ATPSCKMT: variants seen among roughly 807,000 people sequenced by gnomAD.
ATPSCKMT encodes ATP synthase c subunit lysine N-methyltransferase, also known as ATP synthase subunit C lysine N-methyltransferase.
In ATPSCKMT, 24 loss-of-function variants were observed where a neutral mutation model predicts 24.3. That is an observed-to-expected ratio of 0.99 (90% CI 0.71 to 1.39). The LOEUF is 1.39. Ranked by LOEUF, ATPSCKMT falls within the 40% of genes most tolerant of loss-of-function variation. The pLI is 0.00. For synonymous variants in ATPSCKMT, 95 were observed against 110.5 expected (o/e 0.86, Z 0.88); for missense variants, 311 against 298.4 (o/e 1.04, Z -0.31).
intron 4 of ATPSCKMT, among the ~76,000 whole-genome samples, chr5:10,228,159 T>C (rs1743967304): frequency 6.6e-6 from 1 of 152,180 alleles, no homozygotes; most frequent in African/African-American, 2.4e-5. Context: ...TTTTGCACAT[T>C]TTTAACATCT....
rs762216634 is a variant in ATPSCKMT at position 10,227,471 on chromosome 5, C to T, written c.672G>A (p.Ser224=). 21 of 1,614,034 alleles carry T rather than the reference C, an allele frequency of 1.3e-5. No homozygotes were observed. In the Admixed American group the frequency reaches 2.0e-4, roughly 15 times the overall value. Residue 224 remains serine (S), a synonymous_variant, in exon 5 of 5, where the codon TCG becomes TCA. Transcript: ENST00000511437. ...FRGREKRPCT[S]MHFQLPIQA ...CTTGAATGGGCAGCTGGAAATGCAT[C>T]GATGTACAGGGCCTCTTTTCACGGC...
chr5:10,249,727 CT>C, intron 1 of ATPSCKMT, 130 bp downstream of exon 1: 1 of 1,385,458 alleles, frequency 7.2e-7, no homozygotes, highest in Non-Finnish European at 9.6e-7. Context: ...GAAGGCCAGG[CT>C]GGAGGCCAGA....
At chr5:10,239,480 A>G in intron 1 of ATPSCKMT, 124 bp from the exon 2 acceptor site, 2 of 814,022 alleles carry the variant, frequency 2.5e-6, no homozygotes, top group Non-Finnish European at 1.9e-6. Context: ...TTAGCTGAAT[A>G]CAAGCTAAAT....
intron 3 of ATPSCKMT, 92 bp from the exon 4 acceptor site, chr5:10,235,353 A>T: frequency 8.9e-7 from 1 of 1,128,242 alleles, no homozygotes; most frequent in Non-Finnish European, 1.3e-6. Context: ...GCAGTTTTCC[A>T]TTTTACCAAA....
chr5:10,245,467 C>A (rs1306034570), intron 1 of ATPSCKMT, among the ~76,000 whole-genome samples: 1 of 151,204 alleles, frequency 6.6e-6, no homozygotes, highest in Non-Finnish European at 1.5e-5. Context: ...CAAAATTGGC[C>A]AGCCACAGTG....
intron 1 of ATPSCKMT, among the ~76,000 whole-genome samples, chr5:10,244,147 A>C (rs2578626): frequency 0.26 from 40,223 of 152,126 alleles, 6,718 homozygotes; most frequent in East Asian, 0.72. Flanking sequence ...GCAGTAGGAA[A>C]ACACACATTT....
At chr5:10,236,656 A>C in intron 2 of ATPSCKMT, 41 bp from the exon 3 acceptor site, 1 of 1,602,456 alleles carries the variant, frequency 6.2e-7, no homozygotes, top group African/African-American at 1.3e-5. Flanking sequence ...AAGAAGAAAA[A>C]ATGAACATAC....
intron 3 of ATPSCKMT, 36 bp from the exon 4 acceptor site, chr5:10,235,297 G>T: frequency 6.3e-7 from 1 of 1,578,130 alleles, no homozygotes; most frequent in Non-Finnish European, 8.7e-7. Flanking sequence ...TAGATTAAGT[G>T]CAAAAAGCCA....
Position 10,227,264 on chromosome 5 carries a change from G to T in ATPSCKMT, c.*177C>A. 4.5e-6 allele frequency: 3 copies of T among 662,932 alleles called. No homozygotes were observed. Among genetic ancestry groups the T allele is most frequent in the Non-Finnish European group, 7.5e-6 (3 of 399,720 alleles). The allele number at this position is 662,932 out of a possible 1,614,324, so 41.1% of individuals were successfully genotyped here. ...AATTTTTAAGAAAATAGCATCAAAA[G>T]CAGATTTTAAATCTACCTGTTTTTC... On this transcript the variant is annotated 3_prime_UTR_variant, in exon 5 of 5. Transcript: ENST00000511437.
At chr5:10,247,891 C>A (rs902728635) in intron 1 of ATPSCKMT, among the ~76,000 whole-genome samples, 21 of 152,140 alleles carry the variant, frequency 1.4e-4, no homozygotes, top group African/African-American at 5.1e-4. Flanking sequence ...TCTACTGTGT[C>A]CGGGCCCTGC....
intron 4 of ATPSCKMT, among the ~76,000 whole-genome samples, chr5:10,230,024 TAGAA>T (rs940915254): frequency 6.6e-6 from 1 of 152,220 alleles, no homozygotes; most frequent in Non-Finnish European, 1.5e-5. Flanking sequence ...AAGTGATATT[TAGAA>T]AACAAGATCT....
Position 10,227,650 on chromosome 5 carries a change from G to A in ATPSCKMT, c.496-3C>T. On this transcript the variant is annotated splice_region_variant and splice_polypyrimidine_tract_variant and intron_variant, in intron 4 of 4. Coordinates refer to ENST00000511437, the MANE Select transcript of ATPSCKMT (RefSeq NM_199133.4). Reference sequence around the variant, plus strand: ...AGTTTCTTCTCCAACTGCAGCATCTGTGGAGAGTAACAGCTATTATTTTAG... The same window carrying A: ...AGTTTCTTCTCCAACTGCAGCATCTATGGAGAGTAACAGCTATTATTTTAG... The A allele has an allele frequency of 1.9e-6, 3 of 1,613,788 alleles. No individual in the cohort carries two copies. The highest frequency in any genetic ancestry group is 2.5e-6 in the Non-Finnish European group (3 of 1,179,706).
At position 10,247,075 on chromosome 5, in the gene ATPSCKMT, A is replaced by G. The variant is rs1326424935; in HGVS notation, c.16+2783T>C. Among the ~76,000 whole-genome samples, 13 of 152,206 alleles carry G rather than the reference A, an allele frequency of 8.5e-5. 1 individual carries two copies. The highest frequency in any genetic ancestry group is 8.5e-4 in the Admixed American group (13 of 15,284). ...CCAGGCTGAATGTGTATTTTATTCT[A>G]TGTGCACTGTGATGAAACTTTTTGA... On this transcript the variant is annotated intron_variant, in intron 1 of 4. Coordinates refer to ENST00000511437, the MANE Select transcript of ATPSCKMT (RefSeq NM_199133.4).
At chr5:10,249,828 C>A in intron 1 of ATPSCKMT, 30 bp downstream of exon 1, 1 of 1,562,990 alleles carries the variant, frequency 6.4e-7, no homozygotes, top group South Asian at 1.2e-5. Flanking sequence ...CTCATGCCCC[C>A]AGGAACCCGC....
intron 1 of ATPSCKMT, chr5:10,249,582 A>G (rs1579439924): frequency 1.2e-5 from 5 of 431,666 alleles, no homozygotes; most frequent in African/African-American, 4.1e-5. Flanking sequence ...CACTATCCCT[A>G]TTCCTTAAGA....
intron 1 of ATPSCKMT, among the ~76,000 whole-genome samples, chr5:10,241,495 G>A (rs192265579): frequency 3.9e-5 from 6 of 152,290 alleles, no homozygotes; most frequent in East Asian, 1.9e-4. Context: ...CCCACTCAGC[G>A]CAGCTTTGTT....
intron 2 of ATPSCKMT, among the ~76,000 whole-genome samples, chr5:10,237,644 G>C (rs907476914): frequency 6.6e-6 from 1 of 152,154 alleles, no homozygotes; most frequent in African/African-American, 2.4e-5. Context: ...CCATGATTGT[G>C]AGGCCTCCCC....
Position 10,226,471 on chromosome 5 carries a change from C to A in ATPSCKMT, c.*970G>T, listed in dbSNP as rs1743883827. 1.3e-5 allele frequency: 2 copies of A among 152,192 alleles called. No individual in the cohort carries two copies. Among genetic ancestry groups the A allele is most frequent in the South Asian group, 4.1e-4 (2 of 4,834 alleles). The allele number at this position is 152,192 out of a possible 1,614,324, so 9.4% of individuals were successfully genotyped here. A position where few individuals can be genotyped will look rare whatever the true frequency, so the allele number is the denominator to read the frequency against. On this transcript the variant is annotated 3_prime_UTR_variant, in exon 5 of 5. Transcript: ENST00000511437. ...GATAAGTACGAATGACTCAAGCTAC[C>A]ATTCAATATTCACTTTACAGATATA...
At chr5:10,236,340 A>G (rs927685392) in intron 3 of ATPSCKMT, 138 bp downstream of exon 3, 8 of 1,087,814 alleles carry the variant, frequency 7.4e-6, no homozygotes, top group African/African-American at 1.6e-5. Flanking sequence ...TCAATTTTAC[A>G]TATTTCATTA....
Sources: gnomAD v4.1 joint callset for allele counts (sites outside exome capture counted in the v4.1 genomes callset) on GRCh38, gnomAD v4.1.1 for gene constraint, MANE v1.5 for transcripts, NCBI Gene and HGNC (gene_info 2026-07-23, HGNC 2026-07-21) for gene names.